The following FGD4 variants were observed in gnomAD, a reference collection of about 807,000 sequenced individuals.
The protein encoded by FGD4 is FYVE, RhoGEF and PH domain containing 4, also known as FYVE, RhoGEF and PH domain-containing protein 4.
A neutral mutation model predicts 102.0 loss-of-function variants in FGD4; 42 were observed. That is an observed-to-expected ratio of 0.41 (90% confidence interval 0.32 to 0.53). The LOEUF (loss-of-function observed/expected upper bound fraction) is 0.53. Among genes scored for constraint, FGD4 ranks in the 20% least tolerant of loss-of-function variants. FGD4 has a pLI of 0.21. For synonymous variants in FGD4, 380 were observed against 375.7 expected (o/e 1.01, Z -0.13); for missense variants, 902 against 1,078.2 (o/e 0.84, Z 2.29).
chr12:32,430,165 G>A (rs1725171130), intron 1 of FGD4, among the ~76,000 whole-genome samples: 1 of 152,008 alleles, frequency 6.6e-6, no homozygotes, highest in South Asian at 2.1e-4. Context: ...AAAATTAGCC[G>A]GGTGTGGTAG....
intron 1 of FGD4, among the ~76,000 whole-genome samples, chr12:32,437,115 A>G (rs1297248854): frequency 1.4e-4 from 22 of 152,128 alleles, no homozygotes; most frequent in African/African-American, 4.8e-4. Context: ...TGTCAAAAAA[A>G]AAAAAAAAAG....
At chr12:32,603,433 G>C (rs1294877309) in intron 7 of FGD4, among the ~76,000 whole-genome samples, 2 of 152,062 alleles carry the variant, frequency 1.3e-5, no homozygotes, top group East Asian at 3.9e-4. Flanking sequence ...TGTTGCCCAG[G>C]CTGGAGTGCA....
chr12:32,470,467 T>C (rs927160053), intron 1 of FGD4, among the ~76,000 whole-genome samples: 6 of 147,090 alleles, frequency 4.1e-5, no homozygotes, highest in Non-Finnish European at 9.1e-5. Context: ...CTTTTTCTTT[T>C]TTTTTTTTTT....
At position 32,638,089 on chromosome 12, in the gene FGD4, C is replaced by T. The variant is rs1021972645; in HGVS notation, c.2314-566C>T. Among the ~76,000 whole-genome samples the T allele has an allele frequency of 3.9e-5, 6 of 152,150 alleles. 1 individual carries two copies. ...AAAAGTTCAGGCTCTGTTCTGGGCA[C>T]AGTGACTCACCCCTGTAATCCCAGC... On this transcript the variant is annotated intron_variant, in intron 15 of 16. Coordinates refer to ENST00000534526, the MANE Select transcript of FGD4 (RefSeq NM_001370298.3).
In FGD4 at chr12:32,582,059, A is replaced by G. The variant is rs771558628; in HGVS notation, c.603A>G (p.Gln201=). The G allele has an allele frequency of 4.0e-5, 65 of 1,614,056 alleles. No individual in the cohort carries two copies. Among genetic ancestry groups the G allele is most frequent in the Admixed American group, 3.5e-4 (21 of 59,988 alleles). Residue 201 remains glutamine (Q), a synonymous_variant, in exon 4 of 17, where the codon CAA becomes CAG. Transcript: ENST00000534526. Reference sequence around the variant, plus strand: ...ATGGATTGACAACCACACCTCAACAAAAACTCCTCTCCCAGCACTTGCCAC... The same window carrying G: ...ATGGATTGACAACCACACCTCAACAGAAACTCCTCTCCCAGCACTTGCCAC... ...GRHGLTTTPQ[Q]KLLSQHLPQR...
chr12:32,426,793 G>A (rs1194346751), intron 1 of FGD4, among the ~76,000 whole-genome samples: 2 of 151,852 alleles, frequency 1.3e-5, no homozygotes, highest in Non-Finnish European at 2.9e-5. Flanking sequence ...GTAGTCTTGG[G>A]AGGGTGTATG....
intron 1 of FGD4, among the ~76,000 whole-genome samples, chr12:32,504,150 A>G (rs371067758): frequency 3.9e-5 from 6 of 152,330 alleles, no homozygotes; most frequent in Admixed American, 6.5e-5. Context: ...GCATTGACCA[A>G]ATTTCCAGAG....
chr12:32,485,220 C>T (rs998454043), intron 1 of FGD4, among the ~76,000 whole-genome samples: 13 of 152,086 alleles, frequency 8.5e-5, no homozygotes, highest in Non-Finnish European at 1.8e-4. Flanking sequence ...TCAATCAGTG[C>T]CTTCCTCTTT....
chr12:32,575,732 T>C (rs1034326160), intron 2 of FGD4, among the ~76,000 whole-genome samples: 2 of 152,258 alleles, frequency 1.3e-5, no homozygotes, highest in Non-Finnish European at 1.5e-5. Context: ...TCAAATGAGA[T>C]AAAGTGCTTT....
chr12:32,585,945 A>G (rs1565874364), intron 4 of FGD4, among the ~76,000 whole-genome samples: 1 of 151,764 alleles, frequency 6.6e-6, no homozygotes, highest in East Asian at 1.9e-4. Context: ...GTAGCCTTGA[A>G]GCAAGGATGG....
intron 14 of FGD4, among the ~76,000 whole-genome samples, chr12:32,627,162 CTT>C (rs201386572): frequency 3.7e-5 from 5 of 136,484 alleles, no homozygotes; most frequent in Non-Finnish European, 6.3e-5. Flanking sequence ...CATTTTTTTT[CTT>C]TTTTTTTTGA....
chr12:32,611,065 A>G, intron 9 of FGD4, 72 bp from the exon 10 acceptor site: 3 of 1,564,194 alleles, frequency 1.9e-6, no homozygotes, highest in Non-Finnish European at 2.6e-6. Flanking sequence ...GATTTTAGTT[A>G]AGGTCATAGT....
chr12:32,468,735 C>T (rs1943336060), intron 1 of FGD4, among the ~76,000 whole-genome samples: 1 of 152,146 alleles, frequency 6.6e-6, no homozygotes, highest in Admixed American at 6.6e-5. Context: ...GAATGAGACC[C>T]TGTCAAAGGA....
chr12:32,597,715 A>G (rs6488071), intron 4 of FGD4, among the ~76,000 whole-genome samples: 61,265 of 152,136 alleles, frequency 0.4, 13,940 homozygotes, highest in African/African-American at 0.62. Context: ...AAATAAATAC[A>G]TACTGAAGAA....
intron 2 of FGD4, 31 bp downstream of exon 2, chr12:32,564,320 G>C: frequency 6.5e-6 from 10 of 1,532,614 alleles, no homozygotes; most frequent in Non-Finnish European, 8.7e-6. Flanking sequence ...TGTTCGGGGT[G>C]GGTACGTTGT....
intron 2 of FGD4, 122 bp downstream of exon 2, chr12:32,564,411 T>A: frequency 8.0e-7 from 1 of 1,245,234 alleles, no homozygotes; most frequent in African/African-American, 1.5e-5. Flanking sequence ...GGTACATTAT[T>A]TTTTAGAGAA....
chr12:32,515,229 C>G (rs1177008414), intron 1 of FGD4, among the ~76,000 whole-genome samples: 1 of 152,202 alleles, frequency 6.6e-6, no homozygotes, highest in Non-Finnish European at 1.5e-5. Flanking sequence ...GCTCCACTGT[C>G]CCTGCTTCTG....
intron 4 of FGD4, among the ~76,000 whole-genome samples, chr12:32,590,692 A>T (rs1218414650): frequency 2.6e-5 from 4 of 152,210 alleles, no homozygotes; most frequent in Non-Finnish European, 5.9e-5. Context: ...CTATAAAATG[A>T]GAGTGATAAT....
intron 1 of FGD4, among the ~76,000 whole-genome samples, chr12:32,499,039 C>T (rs1284134026): frequency 1.3e-5 from 2 of 152,178 alleles, no homozygotes; most frequent in Non-Finnish European, 2.9e-5. Context: ...GGTAAAACCT[C>T]TTACAAAAGG....
Sources: gnomAD v4.1 joint callset for allele counts (sites outside exome capture counted in the v4.1 genomes callset) on GRCh38, gnomAD v4.1.1 for gene constraint, MANE v1.5 for transcripts, NCBI Gene and HGNC (gene_info 2026-07-23, HGNC 2026-07-21) for gene names.